ADK: variants seen among roughly 807,000 people sequenced by gnomAD.
ADK encodes the protein N6,N6-dimethyladenosine kinase.
Under a neutral mutation model 44.7 loss-of-function variants are expected in ADK, and 24 were observed. The observed-to-expected ratio is 0.54, with a 90% CI of 0.39 to 0.76. The LOEUF (loss-of-function observed/expected upper bound fraction) is 0.76. Ranked by LOEUF, ADK falls within the 30% of genes least tolerant of loss-of-function variation. The pLI, the probability that ADK is intolerant of heterozygous loss-of-function variation, is 0.00. For missense variants in ADK, 321 were observed against 425.1 expected, an observed-to-expected ratio of 0.76 and a Z score of 2.15; for synonymous variants, 128 against 142.6, an observed-to-expected ratio of 0.90 and a Z score of 0.73.
At chr10:74,405,733 C>T (rs1843899702) in intron 6 of ADK, among the ~76,000 whole-genome samples, 1 of 152,088 alleles carries the variant, frequency 6.6e-6, no homozygotes, top group Non-Finnish European at 1.5e-5. Flanking sequence ...AAATTGTCTT[C>T]CACAAAACTA....
chr10:74,342,761 C>T (rs971576908), intron 4 of ADK, among the ~76,000 whole-genome samples: 16 of 134,620 alleles, frequency 1.2e-4, no homozygotes, highest in Non-Finnish European at 1.8e-4. Context: ...AGGCATGAGC[C>T]GCTGTGCCTA....
intron 6 of ADK, among the ~76,000 whole-genome samples, chr10:74,474,985 C>T (rs762812384): frequency 6.6e-5 from 10 of 151,966 alleles, no homozygotes; most frequent in South Asian, 6.2e-4. Context: ...ATTAACTGGG[C>T]GTGGTGGCAC....
At chr10:74,608,579 T>C (rs1852425994) in intron 9 of ADK, among the ~76,000 whole-genome samples, 1 of 152,136 alleles carries the variant, frequency 6.6e-6, no homozygotes, top group South Asian at 2.1e-4. Context: ...CAGCAAAGAT[T>C]ACTGCCTGTT....
At chr10:74,591,596 T>C (rs974889421) in intron 8 of ADK, among the ~76,000 whole-genome samples, 14 of 152,158 alleles carry the variant, frequency 9.2e-5, no homozygotes, top group Admixed American at 1.3e-4. Context: ...TGGCAGAGCA[T>C]AGGTTTGAAA....
chr10:74,525,073 T>A (rs886308416), intron 6 of ADK, among the ~76,000 whole-genome samples, 183 bp from the exon 7 acceptor site: 8 of 152,358 alleles, frequency 5.3e-5, no homozygotes, highest in African/African-American at 1.9e-4. Context: ...AGTAATGGCA[T>A]GTATCAAGCA....
At chr10:74,619,091 G>A (rs1229764624) in intron 9 of ADK, among the ~76,000 whole-genome samples, 1 of 150,490 alleles carries the variant, frequency 6.6e-6, no homozygotes, top group Non-Finnish European at 1.5e-5. Context: ...GCTTCAGGCT[G>A]TATATTTTGC....
At chr10:74,586,834 A>G (rs1475616933) in intron 7 of ADK, among the ~76,000 whole-genome samples, 1 of 151,500 alleles carries the variant, frequency 6.6e-6, no homozygotes, top group African/African-American at 2.4e-5. Context: ...AGCCAGGGCT[A>G]CAAGAGCAAA....
At chr10:74,468,252 A>G (rs752349845) in intron 6 of ADK, among the ~76,000 whole-genome samples, 42 of 152,218 alleles carry the variant, frequency 2.8e-4, no homozygotes, top group Non-Finnish European at 4.3e-4. Flanking sequence ...TGCCATTCTT[A>G]TTTTTGAGAC....
At chr10:74,644,064 T>C (rs1489260488) in intron 9 of ADK, among the ~76,000 whole-genome samples, 3 of 152,242 alleles carry the variant, frequency 2.0e-5, no homozygotes, top group Non-Finnish European at 4.4e-5. Context: ...AAACAGATTT[T>C]TTAAAAATAT....
intron 6 of ADK, among the ~76,000 whole-genome samples, chr10:74,465,529 A>T (rs1179648145): frequency 6.6e-6 from 1 of 152,184 alleles, no homozygotes; most frequent in Non-Finnish European, 1.5e-5. Context: ...TGTTATATGG[A>T]CAAAACTGAA....
chr10:74,490,808 T>G (rs1847453586), intron 6 of ADK, among the ~76,000 whole-genome samples: 1 of 152,146 alleles, frequency 6.6e-6, no homozygotes, highest in African/African-American at 2.4e-5. Context: ...AGAAGCTTCC[T>G]CTAGTTTGAA....
intron 7 of ADK, among the ~76,000 whole-genome samples, chr10:74,575,649 T>C (rs1851158547): frequency 6.6e-6 from 1 of 152,102 alleles, no homozygotes; most frequent in African/African-American, 2.4e-5. Flanking sequence ...TATAAGGGAA[T>C]AGTAAAAGAT....
At chr10:74,670,433 G>A (rs1168449787) in intron 10 of ADK, among the ~76,000 whole-genome samples, 164 bp downstream of exon 10, 2 of 152,018 alleles carry the variant, frequency 1.3e-5, no homozygotes, top group Admixed American at 6.6e-5. Context: ...AGTATTAGAG[G>A]GTTTTACCAG....
intron 1 of ADK, among the ~76,000 whole-genome samples, chr10:74,178,232 G>C (rs1179094542): frequency 6.6e-6 from 1 of 151,964 alleles, no homozygotes; most frequent in Admixed American, 6.6e-5. Flanking sequence ...GTGAGCCACC[G>C]CTACTGGTCT....
chr10:74,407,644 C>G (rs566530014), intron 6 of ADK, among the ~76,000 whole-genome samples: 23 of 152,160 alleles, frequency 1.5e-4, no homozygotes, highest in Non-Finnish European at 2.5e-4. Flanking sequence ...GCAGCTCTGT[C>G]CTCTCCAGTA....
chr10:74,430,639 A>C (rs192138231), intron 6 of ADK, among the ~76,000 whole-genome samples: 1 of 152,136 alleles, frequency 6.6e-6, no homozygotes, highest in Non-Finnish European at 1.5e-5. Flanking sequence ...AATTTTCATT[A>C]CTTTAGACTG....
chr10:74,615,778 G>A (rs1304631612), intron 9 of ADK, among the ~76,000 whole-genome samples: 5 of 151,996 alleles, frequency 3.3e-5, no homozygotes, highest in South Asian at 4.2e-4. Flanking sequence ...GCGGGATCTC[G>A]GCTCACTGCA....
chr10:74,476,195 G>A (rs1846830378), intron 6 of ADK, among the ~76,000 whole-genome samples: 2 of 152,014 alleles, frequency 1.3e-5, no homozygotes. Context: ...TACATATAAA[G>A]TCGTTTAAAA....
chr10:74,541,226 G>C (rs1410170689), intron 7 of ADK, among the ~76,000 whole-genome samples: 1 of 152,136 alleles, frequency 6.6e-6, no homozygotes, highest in Non-Finnish European at 1.5e-5. Context: ...TGTTGGCCAT[G>C]CTGGTCTCGA....
Sources: gnomAD v4.1 joint callset for allele counts (sites outside exome capture counted in the v4.1 genomes callset) on GRCh38, gnomAD v4.1.1 for gene constraint, MANE v1.5 for transcripts, NCBI Gene and HGNC (gene_info 2026-07-23, HGNC 2026-07-21) for gene names.